The following SYT1 variants were observed in gnomAD, a reference collection of about 807,000 sequenced individuals.
SYT1 encodes synaptotagmin-1.
SYT1 carries 8 observed loss-of-function variants against 44.8 expected under a neutral mutation model. The ratio of observed to expected loss-of-function variants is 0.18; its 90% CI spans 0.10 to 0.32. SYT1 has a LOEUF of 0.32. Among genes scored for constraint, SYT1 ranks in the 10% least tolerant of loss-of-function variants. SYT1 has a pLI of 1.00. For missense variants in SYT1, 286 were observed against 509.3 expected (o/e 0.56, Z 4.22); for synonymous variants, 154 against 188.8 (o/e 0.82, Z 1.51).
intron 3 of SYT1, among the ~76,000 whole-genome samples, chr12:79,200,790 C>T (rs1288727717): frequency 6.6e-6 from 1 of 152,146 alleles, no homozygotes; most frequent in Non-Finnish European, 1.5e-5. Flanking sequence ...CATAGAGTTT[C>T]TAGCTTCAGA....
chr12:79,258,407 G>A (rs1877648711), intron 4 of SYT1, among the ~76,000 whole-genome samples: 1 of 152,192 alleles, frequency 6.6e-6, no homozygotes, highest in African/African-American at 2.4e-5. Context: ...GTTCTTCCAA[G>A]GATAGAGTGT....
At chr12:78,950,803 A>G (rs987708629) in intron 1 of SYT1, among the ~76,000 whole-genome samples, 3 of 152,116 alleles carry the variant, frequency 2.0e-5, no homozygotes, top group African/African-American at 7.2e-5. Context: ...TTTTCTAAAC[A>G]GCACAAAAAT....
intron 1 of SYT1, among the ~76,000 whole-genome samples, chr12:78,958,078 T>C (rs1879301515): frequency 6.6e-6 from 1 of 152,182 alleles, no homozygotes; most frequent in African/African-American, 2.4e-5. Flanking sequence ...TTTTTGAGTG[T>C]ACTTTTCATC....
At chr12:78,919,098 T>C (rs1876835496) in intron 1 of SYT1, among the ~76,000 whole-genome samples, 1 of 152,044 alleles carries the variant, frequency 6.6e-6, no homozygotes, top group Non-Finnish European at 1.5e-5. Flanking sequence ...TTCATGATTA[T>C]TAATTCCTGT....
intron 1 of SYT1, among the ~76,000 whole-genome samples, chr12:78,963,717 CT>C (rs1879631675): frequency 6.6e-6 from 1 of 151,998 alleles, no homozygotes; most frequent in Admixed American, 6.6e-5. Flanking sequence ...CTTATATGCT[CT>C]TGGTGAAAAT....
At chr12:79,067,702 T>G (rs1039507488) in intron 3 of SYT1, among the ~76,000 whole-genome samples, 1 of 152,112 alleles carries the variant, frequency 6.6e-6, no homozygotes, top group African/African-American at 2.4e-5. Context: ...CAACTGTACT[T>G]TTTTGCTGTG....
chr12:79,152,540 T>C (rs998832154), intron 3 of SYT1, among the ~76,000 whole-genome samples: 2 of 152,166 alleles, frequency 1.3e-5, no homozygotes, highest in Non-Finnish European at 2.9e-5. Context: ...TTATCTGTTA[T>C]ATGAGGAATA....
chr12:78,872,026 G>C (rs1363645722), intron 1 of SYT1, among the ~76,000 whole-genome samples: 1 of 151,842 alleles, frequency 6.6e-6, no homozygotes, highest in Non-Finnish European at 1.5e-5. Flanking sequence ...TCTGTTAAAA[G>C]CTTAGTTAAC....
At chr12:78,894,059 T>G (rs17045875) in intron 1 of SYT1, among the ~76,000 whole-genome samples, 12,185 of 151,456 alleles carry the variant, frequency 0.08, 570 homozygotes, top group African/African-American at 0.13. Flanking sequence ...TCATATTGCT[T>G]TTATAATTTT....
At chr12:78,903,074 T>C (rs1159884976) in intron 1 of SYT1, among the ~76,000 whole-genome samples, 3 of 152,124 alleles carry the variant, frequency 2.0e-5, no homozygotes, top group Non-Finnish European at 2.9e-5. Flanking sequence ...CAGAAAATTG[T>C]CAAAATTCAT....
intron 9 of SYT1, among the ~76,000 whole-genome samples, chr12:79,377,136 G>A (rs990101688): frequency 2.0e-5 from 2 of 99,130 alleles, no homozygotes; most frequent in African/African-American, 1.3e-4. Context: ...TTTTGAGACA[G>A]AGTCTCGCTC....
At chr12:79,275,528 T>C (rs1878667771) in intron 4 of SYT1, among the ~76,000 whole-genome samples, 5 of 152,070 alleles carry the variant, frequency 3.3e-5, no homozygotes. Flanking sequence ...GCCTATCTGA[T>C]CTGAATATAA....
At chr12:78,971,668 G>A (rs777888278) in intron 1 of SYT1, among the ~76,000 whole-genome samples, 3 of 151,988 alleles carry the variant, frequency 2.0e-5, no homozygotes, top group South Asian at 2.1e-4. Flanking sequence ...GTATTTCTAC[G>A]TATTTTATAC....
intron 9 of SYT1, among the ~76,000 whole-genome samples, chr12:79,435,637 T>G (rs1365402589): frequency 6.6e-6 from 1 of 152,166 alleles, no homozygotes; most frequent in African/African-American, 2.4e-5. Context: ...AAGCCAGTGA[T>G]GCTTCACCAC....
At chr12:79,424,835 T>C (rs529766140) in intron 9 of SYT1, among the ~76,000 whole-genome samples, 1 of 148,038 alleles carries the variant, frequency 6.8e-6, no homozygotes, top group Admixed American at 6.7e-5. Context: ...TAGTGTTTTG[T>C]TTTTTTTTTA....
rs545595545 is a variant in SYT1 at position 78,899,731 on chromosome 12, G to T, written c.-217+34622G>T. On this transcript the variant is annotated intron_variant, in intron 1 of 10. Coordinates refer to ENST00000261205, the MANE Select transcript of SYT1 (RefSeq NM_005639.3). ...AGCATAATTGGATTTTGTGAGCCTG[G>T]CTCTTAAAACACTATGTGAAAACTT... Among the ~76,000 whole-genome samples, 40 of 151,972 alleles carry T rather than the reference G, an allele frequency of 2.6e-4. No homozygotes were observed. In the South Asian group the frequency reaches 5.0e-3, roughly 19 times the overall value.
At chr12:79,274,483 C>G (rs1249697968) in intron 4 of SYT1, among the ~76,000 whole-genome samples, 1 of 152,200 alleles carries the variant, frequency 6.6e-6, no homozygotes, top group Non-Finnish European at 1.5e-5. Context: ...AATGGTTCCA[C>G]TCCTCTCTGG....
At chr12:79,141,595 G>C (rs551400666) in intron 3 of SYT1, among the ~76,000 whole-genome samples, 1 of 152,096 alleles carries the variant, frequency 6.6e-6, no homozygotes, top group South Asian at 2.1e-4. Context: ...TTCTAGCACT[G>C]ACAATGAGAC....
At chr12:79,259,382 A>G (rs1333475338) in intron 4 of SYT1, among the ~76,000 whole-genome samples, 1 of 152,238 alleles carries the variant, frequency 6.6e-6, no homozygotes. Flanking sequence ...TGAATTTAAA[A>G]CTGTCTAACA....
Sources: allele counts gnomAD v4.1 joint callset (sites outside exome capture counted in the v4.1 genomes callset), GRCh38; gene constraint gnomAD v4.1.1; transcripts MANE v1.5; gene names NCBI Gene and HGNC (gene_info 2026-07-23, HGNC 2026-07-21).